AP1S3: variants seen among roughly 807,000 people sequenced by gnomAD.
AP1S3 encodes the protein adaptor related protein complex 1 subunit sigma 3.
A neutral mutation model predicts 20.9 loss-of-function variants in AP1S3; 10 were observed. The observed-to-expected ratio is 0.48, with a 90% CI of 0.29 to 0.81. The LOEUF is 0.81. Among genes scored for constraint, AP1S3 ranks in the 30% least tolerant of loss-of-function variants. The probability of loss-of-function intolerance (pLI) is 0.08; values close to 1 mark genes in which losing one functional copy is unlikely to be tolerated. For missense variants in AP1S3, 154 were observed against 183.8 expected (o/e 0.84, Z 0.94); for synonymous variants, 41 against 61.5 (o/e 0.67, Z 1.56).
chr2:223,818,253 C>T (rs372217619), intron 1 of AP1S3, among the ~76,000 whole-genome samples: 1 of 152,018 alleles, frequency 6.6e-6, no homozygotes, highest in African/African-American at 2.4e-5. Flanking sequence ...CCAGTCTCTA[C>T]TAAAAATATA....
intron 1 of AP1S3, among the ~76,000 whole-genome samples, chr2:223,836,116 C>A (rs1270367485): frequency 2.6e-5 from 4 of 152,180 alleles, no homozygotes; most frequent in African/African-American, 9.7e-5. Context: ...CAGCACTCCC[C>A]GGCTCTCTTT....
At chr2:223,765,063 A>C in intron 4 of AP1S3, 150 bp downstream of exon 4, 1 of 1,133,016 alleles carries the variant, frequency 8.8e-7, no homozygotes. Flanking sequence ...AGTTGTTGTG[A>C]GGATTAAATA....
At chr2:223,759,968 C>T (rs890330315) in intron 4 of AP1S3, among the ~76,000 whole-genome samples, 8 of 152,078 alleles carry the variant, frequency 5.3e-5, no homozygotes, top group African/African-American at 1.9e-4. Context: ...TCATACTGTC[C>T]ATCAGTTACT....
At chr2:223,763,001 C>G (rs1574683760) in intron 4 of AP1S3, among the ~76,000 whole-genome samples, 1 of 152,044 alleles carries the variant, frequency 6.6e-6, no homozygotes, top group South Asian at 2.1e-4. Context: ...CCAGTTGAAA[C>G]CTCTTAAGCA....
At position 223,757,071 on chromosome 2, in the gene AP1S3, C is replaced by T; in HGVS notation, c.*1644G>A. On this transcript the variant is annotated 3_prime_UTR_variant, in exon 5 of 5. Transcript: ENST00000396654. ...CTGGTATGACCTTGGCTCACTGCAA[C>T]CTCTGCCTCCTGGGTTCAAGCCATT... is the stretch of plus-strand genomic sequence containing the variant. 1.2e-6 allele frequency: 1 copy of T among 863,044 alleles called. No individual in the cohort carries two copies. The highest frequency in any genetic ancestry group is 1.8e-5 in the African/African-American group (1 of 54,808). The allele number at this position is 863,044 out of a possible 1,614,324, so 53.5% of individuals were successfully genotyped here.
At chr2:223,813,085 C>T (rs899147392) in intron 1 of AP1S3, among the ~76,000 whole-genome samples, 1 of 151,976 alleles carries the variant, frequency 6.6e-6, no homozygotes, top group Non-Finnish European at 1.5e-5. Context: ...TGTGCCACCA[C>T]GCCCAGCTTT....
chr2:223,822,138 C>T (rs1238607525), intron 1 of AP1S3, among the ~76,000 whole-genome samples: 1 of 152,126 alleles, frequency 6.6e-6, no homozygotes, highest in Non-Finnish European at 1.5e-5. Context: ...GCCTATAATC[C>T]CAGCACTTTG....
At chr2:223,759,465 G>A (rs1047270341) in intron 4 of AP1S3, among the ~76,000 whole-genome samples, 7 of 152,254 alleles carry the variant, frequency 4.6e-5, no homozygotes, top group African/African-American at 1.2e-4. Flanking sequence ...ATATTGTGCA[G>A]AGCATCTTTA....
chr2:223,807,858 ATTTCTTTTCTTT>A (rs1691621675), intron 1 of AP1S3, among the ~76,000 whole-genome samples: 1 of 72,238 alleles, frequency 1.4e-5, no homozygotes, highest in African/African-American at 5.5e-5. Flanking sequence ...AGTCTCAGGC[ATTTCTTTTCTTT>A]TTTTTTTTTT....
chr2:223,795,900 C>T (rs753731434), intron 1 of AP1S3, among the ~76,000 whole-genome samples: 1 of 152,130 alleles, frequency 6.6e-6, no homozygotes, highest in Admixed American at 6.5e-5. Context: ...AGGCCAGTCA[C>T]GGTGGCTCAC....
Position 223,778,119 on chromosome 2 carries a change from TG to T in AP1S3, c.4-251del, listed in dbSNP as rs201837561. On this transcript the variant is annotated intron_variant, in intron 1 of 4. Coordinates refer to ENST00000396654, the MANE Select transcript of AP1S3 (RefSeq NM_001039569.2). ...AAAATAAGTTTTTTTTTGTTTTTTT[TG>T]TTTGTTTGTTTGTTTGTTTTTTTGA... Among the ~76,000 whole-genome samples the T allele has an allele frequency of 4.7e-4, 71 of 149,972 alleles. No homozygotes were observed. The East Asian group carries it at 8.7e-3, about 18-fold the overall frequency.
rs192841088 is a variant in AP1S3, at chr2:223,756,113, C to T, written c.*2602G>A. 68 of 904,928 alleles carry T rather than the reference C, an allele frequency of 7.5e-5. 1 individual carries two copies. Among genetic ancestry groups the T allele is most frequent in the Non-Finnish European group, 7.9e-5 (60 of 756,668 alleles). 56.1% of individuals were successfully genotyped at this position (904,928 alleles called of 1,614,324 possible). Reference sequence around the variant, plus strand: ...CAGCACTTTGGAAGGCCAAGGCGGGCGGATCACCTGAGGTCGGCGTTCAAG... The same window carrying T: ...CAGCACTTTGGAAGGCCAAGGCGGGTGGATCACCTGAGGTCGGCGTTCAAG... On this transcript the variant is annotated 3_prime_UTR_variant, in exon 5 of 5. Coordinates refer to ENST00000396654, the MANE Select transcript of AP1S3 (RefSeq NM_001039569.2).
intron 1 of AP1S3, among the ~76,000 whole-genome samples, chr2:223,817,323 TG>T (rs961325871): frequency 1.3e-5 from 2 of 151,736 alleles, no homozygotes; most frequent in Non-Finnish European, 2.9e-5. Context: ...GAAAACAATT[TG>T]GGGGCTGGGT....
intron 1 of AP1S3, among the ~76,000 whole-genome samples, chr2:223,816,197 C>T (rs1691839909): frequency 6.6e-6 from 1 of 152,210 alleles, no homozygotes; most frequent in Non-Finnish European, 1.5e-5. Flanking sequence ...AACATATCAA[C>T]AGTGTTAAGT....
Position 223,758,048 on chromosome 2 carries a change from G to A in AP1S3, c.*667C>T, listed in dbSNP as rs1690264417. The A allele has an allele frequency of 1.0e-6, 1 of 980,372 alleles. No individual in the cohort carries two copies. Among genetic ancestry groups the A allele is most frequent in the Admixed American group, 6.2e-5 (1 of 16,232 alleles). 60.7% of individuals were successfully genotyped at this position (980,372 alleles called of 1,614,324 possible). A position where few individuals can be genotyped will look rare whatever the true frequency, so the allele number is the denominator to read the frequency against. On this transcript the variant is annotated 3_prime_UTR_variant, in exon 5 of 5. Transcript: ENST00000396654. The stretch of plus-strand genomic sequence containing the variant: ...GAATGTCCCTTATATTCAATTAAAA[G>A]ATAAATTAAAACCTCAGTCAAGATA...
At chr2:223,789,401 C>T (rs1054527304) in intron 1 of AP1S3, among the ~76,000 whole-genome samples, 3 of 152,084 alleles carry the variant, frequency 2.0e-5, no homozygotes, top group Non-Finnish European at 2.9e-5. Flanking sequence ...AAGCTGGGCG[C>T]AGTGGAATGC....
intron 1 of AP1S3, among the ~76,000 whole-genome samples, chr2:223,778,189 G>A (rs555480942): frequency 1.1e-4 from 14 of 126,024 alleles, no homozygotes; most frequent in African/African-American, 4.4e-4. Flanking sequence ...GCAGTGGCGC[G>A]GTCTCAGCTC....
At position 223,792,572 on chromosome 2, in the gene AP1S3, A is replaced by C. The variant is rs566462367; in HGVS notation, c.4-14703T>G. ...CTTCCTTATACCATATAAAAAATCA[A>C]CTCAAGATGGATTAAATACTTAAAT... On this transcript the variant is annotated intron_variant, in intron 1 of 4. Coordinates refer to ENST00000396654, the MANE Select transcript of AP1S3 (RefSeq NM_001039569.2). 1.6e-4 allele frequency among the ~76,000 whole-genome samples: 24 copies of C among 152,330 alleles called. No individual in the cohort carries two copies. The South Asian group carries it at 5.0e-3, about 32-fold the overall frequency.
At chr2:223,833,997 C>T (rs552045745) in intron 1 of AP1S3, among the ~76,000 whole-genome samples, 23 of 152,198 alleles carry the variant, frequency 1.5e-4, no homozygotes, top group African/African-American at 5.5e-4. Context: ...CAACCTCCAC[C>T]TCACGGGTTC....
Sources: allele counts gnomAD v4.1 joint callset (sites outside exome capture counted in the v4.1 genomes callset), GRCh38; gene constraint gnomAD v4.1.1; transcripts MANE v1.5; gene names NCBI Gene and HGNC (gene_info 2026-07-23, HGNC 2026-07-21).